Variants in IL16 observed in about 807,000 individuals in gnomAD.
IL16 encodes the protein interleukin 16, also known as pro-interleukin-16.
A neutral mutation model predicts 110.1 loss-of-function variants in IL16; 67 were observed. The observed-to-expected ratio is 0.61, with a 90% CI of 0.50 to 0.75. IL16 has a LOEUF of 0.75. IL16 is among the 30% of genes least tolerant of loss of function. IL16 has a pLI of 0.00. For missense variants in IL16, 1,545 were observed against 1,655.0 expected, an observed-to-expected ratio of 0.93 and a Z score of 1.15; for synonymous variants, 689 against 662.9, an observed-to-expected ratio of 1.04 and a Z score of -0.61.
chr15:81,285,817 A>G lies in IL16; in HGVS notation c.1319A>G (p.His440Arg). 1 of 1,614,224 alleles carries G rather than the reference A, an allele frequency of 6.2e-7. No individual in the cohort carries two copies. Among genetic ancestry groups the G allele is most frequent in the Non-Finnish European group, 8.5e-7 (1 of 1,180,038 alleles). The change falls in exon 10 of 19, where the codon CAT (histidine) becomes CGT (arginine). Residue 440 changes from histidine to arginine, a missense_variant. Coordinates refer to ENST00000683961, the MANE Select transcript of IL16 (RefSeq NM_172217.5). ...PGPVPIIVSR[H>R]PDPQVSEQQL... is the part of the protein sequence containing the mutation. Reference sequence around the variant, plus strand: ...CCAGTCCCCATCATTGTTAGCCGACATCCAGACCCACAGGTAACACCCACT... The same window carrying G: ...CCAGTCCCCATCATTGTTAGCCGACGTCCAGACCCACAGGTAACACCCACT...
At chr15:81,214,762 A>G (rs1468727324) in intron 1 of IL16, among the ~76,000 whole-genome samples, 1 of 152,152 alleles carries the variant, frequency 6.6e-6, no homozygotes, top group African/African-American at 2.4e-5. Context: ...AATGCCAATG[A>G]ATTGTAGATT....
At chr15:81,223,810 A>G (rs569032969) in intron 1 of IL16, among the ~76,000 whole-genome samples, 43 of 152,330 alleles carry the variant, frequency 2.8e-4, no homozygotes, top group Non-Finnish European at 2.1e-4. Context: ...TCTGTTCAGG[A>G]GTGAGAGTGT....
intron 1 of IL16, among the ~76,000 whole-genome samples, chr15:81,199,428 A>AG (rs2141947938): frequency 1.3e-5 from 2 of 152,276 alleles, no homozygotes; most frequent in African/African-American, 4.8e-5. Flanking sequence ...GCCCATCAGG[A>AG]GGGAGGCGCT....
chr15:81,279,018 T>C, intron 7 of IL16, 128 bp downstream of exon 7: 2 of 702,550 alleles, frequency 2.8e-6, no homozygotes, highest in Non-Finnish European at 5.2e-6. Flanking sequence ...CTGATGCTGA[T>C]CTTGGCGCAG....
At chr15:81,230,111 G>A (rs1021727541) in intron 2 of IL16, among the ~76,000 whole-genome samples, 1 of 152,200 alleles carries the variant, frequency 6.6e-6, no homozygotes, top group African/African-American at 2.4e-5. Flanking sequence ...GTGCATGAAA[G>A]TACTGATTAG....
chr15:81,216,378 G>T (rs1282517751), intron 1 of IL16, among the ~76,000 whole-genome samples: 1 of 152,158 alleles, frequency 6.6e-6, no homozygotes, highest in Non-Finnish European at 1.5e-5. Context: ...AGCTGTTTGG[G>T]CCAGGAACTA....
intron 1 of IL16, among the ~76,000 whole-genome samples, chr15:81,202,528 A>C (rs1895858100): frequency 7.5e-6 from 1 of 132,572 alleles, no homozygotes; most frequent in East Asian, 2.3e-4. Flanking sequence ...TCCTGTGTCC[A>C]TGTGTTCTCA....
intron 2 of IL16, among the ~76,000 whole-genome samples, chr15:81,241,647 A>C (rs991691608): frequency 1.3e-5 from 2 of 152,112 alleles, no homozygotes; most frequent in Non-Finnish European, 2.9e-5. Flanking sequence ...TTTATTTTGC[A>C]ATTATGGTAG....
intron 1 of IL16, among the ~76,000 whole-genome samples, chr15:81,223,371 C>G (rs370698206): frequency 2.0e-5 from 3 of 152,122 alleles, no homozygotes; most frequent in East Asian, 3.9e-4. Context: ...GTTTGAAAGA[C>G]AGAAAATGTT....
At position 81,292,588 on chromosome 15, in the gene IL16, C is replaced by T. The variant is rs747359835; in HGVS notation, c.1453C>T (p.Arg485Trp). 95 of 1,605,062 alleles carry T rather than the reference C, an allele frequency of 5.9e-5. 1 individual carries two copies. The highest frequency in any genetic ancestry group is 5.2e-4 in the South Asian group (47 of 90,674). The change falls in exon 12 of 19, where the codon CGG becomes TGG. Residue 485 changes from arginine to tryptophan, a missense_variant. By Grantham distance (101) the Arg-to-Trp change is moderately radical. Transcript: ENST00000683961. ...AAGGCTGGAAAGCAGTTGGCACGGG[C>T]GGCCCACCTTGGAGAAGGAACGAGA... ...VKRLESSWHG[R>W]PTLEKEREKN... is the part of the protein sequence containing the mutation.
chr15:81,292,004 A>G (rs986897548), intron 11 of IL16: 2 of 455,714 alleles, frequency 4.4e-6, no homozygotes, highest in Non-Finnish European at 4.4e-6. Flanking sequence ...GGGGTTCACT[A>G]CCTGTGGCAG....
chr15:81,207,246 C>CAA (rs60442931), intron 1 of IL16, among the ~76,000 whole-genome samples: 16 of 102,784 alleles, frequency 1.6e-4, no homozygotes, highest in South Asian at 5.3e-4. Context: ...TCAAAAAAAA[C>CAA]AAAAAAAAAA....
intron 9 of IL16, among the ~76,000 whole-genome samples, chr15:81,283,008 G>A (rs977186800): frequency 5.3e-5 from 8 of 152,168 alleles, no homozygotes; most frequent in Non-Finnish European, 1.0e-4. Context: ...GTGAGGCTTT[G>A]CACCCCAGCC....
Position 81,285,784 on chromosome 15 carries a change from A to C in IL16, c.1286A>C (p.Asp429Ala). The C allele has an allele frequency of 1.2e-6, 2 of 1,614,102 alleles. No individual in the cohort carries two copies. Among genetic ancestry groups the C allele is most frequent in the South Asian group, 2.2e-5 (2 of 91,076 alleles). The change falls in exon 10 of 19, where the codon GAT becomes GCT. Residue 429 changes from aspartate (D) to alanine (A), a missense_variant. Physicochemically the swap from Asp to Ala is moderately radical, Grantham distance 126. Coordinates refer to ENST00000683961, the MANE Select transcript of IL16 (RefSeq NM_172217.5). ...GTCTACACGATCCTGAGTCACTGTG[A>C]TCCCGGTCCAGTCCCCATCATTGTT... ...NEVYTILSHCDPGPVPIIVSR... is the reference protein window; with the variant it reads ...NEVYTILSHCAPGPVPIIVSR...
At chr15:81,257,594 A>G (rs934380897) in intron 2 of IL16, among the ~76,000 whole-genome samples, 4 of 152,170 alleles carry the variant, frequency 2.6e-5, no homozygotes, top group Non-Finnish European at 4.4e-5. Flanking sequence ...GAGCCCCTCA[A>G]TACCTACTAG....
At chr15:81,299,320 T>G (rs1189767843) in intron 13 of IL16, 60 bp from the exon 14 acceptor site, 8 of 1,601,464 alleles carry the variant, frequency 5.0e-6, no homozygotes, top group Non-Finnish European at 5.9e-6. Context: ...AACTAGAATT[T>G]AGGAAGAAAA....
intron 12 of IL16, among the ~76,000 whole-genome samples, chr15:81,295,729 G>A (rs573680432): frequency 1.4e-4 from 22 of 152,316 alleles, no homozygotes; most frequent in African/African-American, 4.1e-4. Context: ...TAGGGAACTC[G>A]AGCTGAGGCA....
At position 81,305,896 on chromosome 15, in the gene IL16, T is replaced by G; in HGVS notation, c.3421-12T>G. 6.2e-7 allele frequency: 1 copy of G among 1,612,634 alleles called. No homozygotes were observed. The highest frequency in any genetic ancestry group is 8.5e-7 in the Non-Finnish European group (1 of 1,178,996). On this transcript the variant is annotated splice_polypyrimidine_tract_variant and intron_variant, in intron 16 of 18. Coordinates refer to ENST00000683961, the MANE Select transcript of IL16 (RefSeq NM_172217.5). Reference sequence around the variant, plus strand: ...TGTGATTTCTGGTCCTGACTTCCTTTGGTTTGCTCAGGTTCACAGAGTGTT... The same window carrying G: ...TGTGATTTCTGGTCCTGACTTCCTTGGGTTTGCTCAGGTTCACAGAGTGTT...
At chr15:81,209,600 A>G (rs149831523) in intron 1 of IL16, among the ~76,000 whole-genome samples, 7 of 152,148 alleles carry the variant, frequency 4.6e-5, no homozygotes, top group Admixed American at 1.3e-4. Flanking sequence ...GGAGGGTTTC[A>G]GTTGTCTAAG....
Sources: gnomAD v4.1 joint callset for allele counts (sites outside exome capture counted in the v4.1 genomes callset) on GRCh38, gnomAD v4.1.1 for gene constraint, MANE v1.5 for transcripts, NCBI Gene and HGNC (gene_info 2026-07-23, HGNC 2026-07-21) for gene names.